The following CNTNAP2 variants were observed in gnomAD, a reference collection of about 807,000 sequenced individuals.
CNTNAP2 encodes contactin associated protein 2, also known as contactin-associated protein-like 2.
CNTNAP2 carries 98 observed loss-of-function variants against 155.2 expected under a neutral mutation model. The ratio of observed to expected loss-of-function variants is 0.63; its 90% confidence interval spans 0.54 to 0.75. The LOEUF (loss-of-function observed/expected upper bound fraction) is 0.75, where lower values mean the gene tolerates loss of function less well. Ranked by LOEUF, CNTNAP2 falls within the 30% of genes least tolerant of loss-of-function variation. The pLI, the probability that CNTNAP2 is intolerant of heterozygous loss-of-function variation, is 0.00. For synonymous variants in CNTNAP2, 651 were observed against 631.2 expected, an observed-to-expected ratio of 1.03 and a Z score of -0.47; for missense variants, 1,727 against 1,688.1, an observed-to-expected ratio of 1.02 and a Z score of -0.40.
At chr7:146,607,266 A>G (rs1799064047) in intron 1 of CNTNAP2, among the ~76,000 whole-genome samples, 1 of 152,094 alleles carries the variant, frequency 6.6e-6, no homozygotes, top group Non-Finnish European at 1.5e-5. Flanking sequence ...TTAATCTTCA[A>G]GATATCTCTG....
At chr7:147,602,742 T>C (rs1193472073) in intron 12 of CNTNAP2, among the ~76,000 whole-genome samples, 1 of 151,922 alleles carries the variant, frequency 6.6e-6, no homozygotes, top group Non-Finnish European at 1.5e-5. Context: ...GCGCAGTGCT[T>C]GGTTTTTTGT....
intron 4 of CNTNAP2, among the ~76,000 whole-genome samples, chr7:147,062,107 G>C (rs372274088): frequency 9.5e-6 from 1 of 105,592 alleles, no homozygotes; most frequent in Non-Finnish European, 1.7e-5. Context: ...CAGCCTGGGC[G>C]ACAGAGCGAG....
At chr7:146,509,388 T>C (rs1162201027) in intron 1 of CNTNAP2, among the ~76,000 whole-genome samples, 1 of 152,216 alleles carries the variant, frequency 6.6e-6, no homozygotes, top group Non-Finnish European at 1.5e-5. Context: ...CAGACAATAC[T>C]GTTGGCTCCC....
At position 148,001,098 on chromosome 7, in the gene CNTNAP2, T is replaced by G. The variant is rs529870969; in HGVS notation, c.2383+23109T>G. Among the ~76,000 whole-genome samples the G allele has an allele frequency of 2.6e-5, 4 of 152,354 alleles. No individual in the cohort carries two copies. In the South Asian group the frequency reaches 8.3e-4, roughly 32 times the overall value. On this transcript the variant is annotated intron_variant, in intron 15 of 23. Coordinates refer to ENST00000361727, the MANE Select transcript of CNTNAP2 (RefSeq NM_014141.6). The stretch of plus-strand genomic sequence containing the variant: ...AATTTAGTGTGATCTCAAGTGATCC[T>G]TAGCTTAATTACATCTGCAAATACC...
chr7:146,358,020 A>ATTTT (rs1249760367), intron 1 of CNTNAP2, among the ~76,000 whole-genome samples: 2 of 141,196 alleles, frequency 1.4e-5, no homozygotes, highest in African/African-American at 6.0e-5. Context: ...TTATTTATTT[A>ATTTT]ATTTTATTTA....
intron 19 of CNTNAP2, among the ~76,000 whole-genome samples, chr7:148,218,214 A>G (rs1795680921): frequency 6.6e-6 from 1 of 152,232 alleles, no homozygotes; most frequent in African/African-American, 2.4e-5. Flanking sequence ...TGAATGAGTA[A>G]AATTAATTTT....
chr7:146,597,838 T>G (rs1728335568), intron 1 of CNTNAP2, among the ~76,000 whole-genome samples: 1 of 152,098 alleles, frequency 6.6e-6, no homozygotes. Flanking sequence ...AACTATGAAA[T>G]AGCATCTCAC....
chr7:146,723,498 A>T (rs1313046092), intron 1 of CNTNAP2, among the ~76,000 whole-genome samples: 1 of 152,212 alleles, frequency 6.6e-6, no homozygotes, highest in Non-Finnish European at 1.5e-5. Flanking sequence ...CCTATCACAA[A>T]ATATTCACAA....
At chr7:147,303,713 G>A (rs1035976780) in intron 9 of CNTNAP2, among the ~76,000 whole-genome samples, 1 of 152,156 alleles carries the variant, frequency 6.6e-6, no homozygotes, top group Non-Finnish European at 1.5e-5. Context: ...AATGGCAATA[G>A]AATCTGTTTT....
intron 15 of CNTNAP2, among the ~76,000 whole-genome samples, chr7:148,026,796 G>A (rs1018308026): frequency 9.9e-5 from 15 of 152,002 alleles, no homozygotes; most frequent in Admixed American, 5.2e-4. Context: ...AAGATTTCTC[G>A]TATGAAAATA....
At chr7:147,735,620 C>T (rs937179590) in intron 13 of CNTNAP2, among the ~76,000 whole-genome samples, 52 of 152,142 alleles carry the variant, frequency 3.4e-4, no homozygotes, top group African/African-American at 1.2e-3. Context: ...TTGACAGTGG[C>T]GTGTTGAAGT....
intron 2 of CNTNAP2, among the ~76,000 whole-genome samples, chr7:146,781,576 A>C (rs1375851422): frequency 1.3e-5 from 2 of 151,958 alleles, no homozygotes; most frequent in African/African-American, 4.8e-5. Context: ...ACTTACATAC[A>C]CATGTCCCCC....
intron 13 of CNTNAP2, among the ~76,000 whole-genome samples, chr7:147,667,116 G>T (rs1795708237): frequency 2.0e-5 from 3 of 152,310 alleles, no homozygotes; most frequent in South Asian, 4.1e-4. Flanking sequence ...TGCTAGCTCT[G>T]GGTGGTTTAA....
chr7:146,795,408 T>C (rs1802751139), intron 2 of CNTNAP2, among the ~76,000 whole-genome samples: 1 of 152,220 alleles, frequency 6.6e-6, no homozygotes, highest in Admixed American at 6.5e-5. Context: ...AATATATTAT[T>C]GTTAAGAAGA....
At chr7:147,394,004 T>A (rs958070137) in intron 9 of CNTNAP2, among the ~76,000 whole-genome samples, 2 of 152,010 alleles carry the variant, frequency 1.3e-5, no homozygotes, top group Non-Finnish European at 2.9e-5. Flanking sequence ...AAATGTCACT[T>A]AATAACTGGT....
chr7:147,661,710 G>A (rs1306560774), intron 13 of CNTNAP2, among the ~76,000 whole-genome samples: 6 of 151,886 alleles, frequency 4.0e-5, no homozygotes, highest in South Asian at 2.1e-4. Context: ...GTGCCACTAC[G>A]CCTGGCTAAT....
intron 4 of CNTNAP2, among the ~76,000 whole-genome samples, chr7:147,070,438 G>A (rs988141188): frequency 1.4e-4 from 21 of 152,256 alleles, no homozygotes; most frequent in South Asian, 1.2e-3. Flanking sequence ...AAGTGTCATC[G>A]TATTAACCAC....
At chr7:147,322,559 G>T (rs369743759) in intron 9 of CNTNAP2, among the ~76,000 whole-genome samples, 1 of 150,922 alleles carries the variant, frequency 6.6e-6, no homozygotes. Context: ...GTCTCTGCCC[G>T]GCTTTGGTAT....
chr7:147,145,581 G>A (rs922694172), intron 8 of CNTNAP2, among the ~76,000 whole-genome samples: 1 of 151,924 alleles, frequency 6.6e-6, no homozygotes, highest in Non-Finnish European at 1.5e-5. Context: ...CCCACTCCAC[G>A]GACTTCCATT....
Sources: gnomAD v4.1 joint callset for allele counts (sites outside exome capture counted in the v4.1 genomes callset) on GRCh38, gnomAD v4.1.1 for gene constraint, MANE v1.5 for transcripts, NCBI Gene and HGNC (gene_info 2026-07-23, HGNC 2026-07-21) for gene names.